ARHGEF3: variants seen among roughly 807,000 people sequenced by gnomAD.
ARHGEF3 encodes 59.8 kDA protein.
A neutral mutation model predicts 63.2 loss-of-function variants in ARHGEF3; 28 were observed. The observed-to-expected ratio is 0.44, with a 90% CI of 0.33 to 0.61. The LOEUF (loss-of-function observed/expected upper bound fraction) is 0.61, where lower values mean the gene tolerates loss of function less well. Ranked by LOEUF, ARHGEF3 falls within the 20% of genes least tolerant of loss-of-function variation. The pLI, the probability that ARHGEF3 is intolerant of heterozygous loss-of-function variation, is 0.03. For synonymous variants in ARHGEF3, 266 were observed against 254.2 expected, an observed-to-expected ratio of 1.05 and a Z score of -0.44; for missense variants, 533 against 659.3, an observed-to-expected ratio of 0.81 and a Z score of 2.10.
chr3:56,905,744 C>T (rs957084939), intron 3 of ARHGEF3, among the ~76,000 whole-genome samples: 1 of 152,250 alleles, frequency 6.6e-6, no homozygotes, highest in Non-Finnish European at 1.5e-5. Context: ...CTAATTTCTG[C>T]CAACATGGTA....
intron 3 of ARHGEF3, among the ~76,000 whole-genome samples, chr3:56,928,341 G>T (rs1246616833): frequency 1.4e-5 from 2 of 141,656 alleles, no homozygotes; most frequent in Admixed American, 7.1e-5. Context: ...TGGGTTCCTG[G>T]CCCATGGTCA....
chr3:56,737,350 A>C lies in ARHGEF3; in HGVS notation c.876T>G (p.Asn292Lys). The change falls in exon 8 of 10, where the codon AAT (asparagine) becomes AAG (lysine). Residue 292 changes from asparagine to lysine, a missense_variant. Physicochemically the swap from Asn to Lys is moderately conservative, Grantham distance 94. Transcript: ENST00000296315. ...PDQQHLEEAI[N>K]IIQGIVAEIN... ...TTTCTGCCACAATTCCCTGAATGAT[A>C]TTTATCTATGAAAACAAAGAGGAAA... The C allele has an allele frequency of 6.2e-7, 1 of 1,609,716 alleles. No individual in the cohort carries two copies. Among genetic ancestry groups the C allele is most frequent in the Non-Finnish European group, 8.5e-7 (1 of 1,176,980 alleles).
intron 2 of ARHGEF3, among the ~76,000 whole-genome samples, chr3:56,987,431 G>C (rs548555626): frequency 6.6e-6 from 1 of 152,170 alleles, no homozygotes; most frequent in Non-Finnish European, 1.5e-5. Flanking sequence ...GCAATGCAAC[G>C]GCTGAGCAGG....
At chr3:57,051,161 A>C (rs576489006) in intron 1 of ARHGEF3, among the ~76,000 whole-genome samples, 11 of 152,242 alleles carry the variant, frequency 7.2e-5, no homozygotes, top group Non-Finnish European at 1.6e-4. Flanking sequence ...CTTCTGGTAC[A>C]TACTATGAGT....
intron 3 of ARHGEF3, among the ~76,000 whole-genome samples, chr3:56,912,581 A>G (rs1197670448): frequency 6.6e-6 from 1 of 152,256 alleles, no homozygotes; most frequent in African/African-American, 2.4e-5. Flanking sequence ...TAATGATAGT[A>G]GCCAATCCCT....
intron 3 of ARHGEF3, among the ~76,000 whole-genome samples, chr3:56,942,549 C>A (rs534760435): frequency 1.5e-4 from 23 of 152,266 alleles, no homozygotes; most frequent in African/African-American, 5.5e-4. Flanking sequence ...CCCTGAGACA[C>A]ACTAATATTG....
intron 4 of ARHGEF3, among the ~76,000 whole-genome samples, chr3:56,845,873 G>A (rs924546369): frequency 6.6e-6 from 1 of 152,172 alleles, no homozygotes. Flanking sequence ...AGACCACACC[G>A]AAGTTGTGCT....
chr3:56,838,265 G>A (rs1028419862), intron 4 of ARHGEF3, among the ~76,000 whole-genome samples: 9 of 152,044 alleles, frequency 5.9e-5, no homozygotes, highest in South Asian at 2.1e-4. Flanking sequence ...ATAGATCAAT[G>A]TTTACCAAAT....
At chr3:56,735,197 T>C (rs2033520357) in intron 8 of ARHGEF3, among the ~76,000 whole-genome samples, 3 of 152,116 alleles carry the variant, frequency 2.0e-5, no homozygotes, top group South Asian at 4.1e-4. Context: ...GGCAGGAGAA[T>C]TGCTTGAACC....
Position 56,896,028 on chromosome 3 carries a change from A to C in ARHGEF3, c.130-13674T>G, listed in dbSNP as rs375984594. Among the ~76,000 whole-genome samples the C allele has an allele frequency of 2.3e-4, 35 of 152,326 alleles. No homozygotes were observed. The South Asian group carries it at 5.0e-3, about 22-fold the overall frequency. On this transcript the variant is annotated intron_variant, in intron 3 of 12. Coordinates refer to the ARHGEF3 transcript ENST00000338458. ...ATCCTGCAGAGCTGGCGGCAGCACG[A>C]ATGGCCTGATGCCCTCTGGAGTTGT...
intron 7 of ARHGEF3, among the ~76,000 whole-genome samples, chr3:56,744,027 A>C (rs2034216944): frequency 6.6e-6 from 1 of 152,190 alleles, no homozygotes; most frequent in South Asian, 2.1e-4. Context: ...AATTAATTGC[A>C]TGACAAAGGA....
rs190566225 is a variant in ARHGEF3 at position 56,926,861 on chromosome 3, C to A, written c.129+31962G>T. Among the ~76,000 whole-genome samples, 7 of 97,484 alleles carry A rather than the reference C, an allele frequency of 7.2e-5. No individual in the cohort carries two copies. The East Asian group carries it at 1.5e-3, about 21-fold the overall frequency. 64.0% of individuals were successfully genotyped at this position (97,484 alleles called of 152,430 possible). On this transcript the variant is annotated intron_variant, in intron 3 of 12. Coordinates refer to the ARHGEF3 transcript ENST00000338458. Reference sequence around the variant, plus strand: ...AAGAGCCTCCTGGGTTGGATGAATACCCCGGGAGGGGTGGGAGGAGTCCCC... The same window carrying A: ...AAGAGCCTCCTGGGTTGGATGAATAACCCGGGAGGGGTGGGAGGAGTCCCC...
intron 4 of ARHGEF3, among the ~76,000 whole-genome samples, chr3:56,835,885 CCA>C (rs1288361774): frequency 6.6e-6 from 1 of 152,200 alleles, no homozygotes; most frequent in African/African-American, 2.4e-5. Context: ...TCATGCACCT[CCA>C]CACAGACTTC....
chr3:56,906,433 T>C (rs2108322838), intron 3 of ARHGEF3, among the ~76,000 whole-genome samples: 1 of 152,358 alleles, frequency 6.6e-6, no homozygotes, highest in South Asian at 2.1e-4. Context: ...CTAGTCTGAA[T>C]TGAGATGTGC....
intron 4 of ARHGEF3, among the ~76,000 whole-genome samples, chr3:56,867,918 T>A (rs1041607034): frequency 6.6e-6 from 1 of 152,208 alleles, no homozygotes; most frequent in Non-Finnish European, 1.5e-5. Flanking sequence ...GAGGAAGTGA[T>A]AATGGTGTGA....
intron 1 of ARHGEF3, among the ~76,000 whole-genome samples, chr3:57,055,743 T>C (rs777143736): frequency 6.6e-6 from 1 of 152,158 alleles, no homozygotes; most frequent in Non-Finnish European, 1.5e-5. Flanking sequence ...CAATCCTTTA[T>C]CTGTATCCTC....
intron 3 of ARHGEF3, chr3:56,940,224 C>T (rs1422748837): frequency 6.6e-6 from 1 of 152,184 alleles, no homozygotes. Context: ...TCCCATACCC[C>T]TGTACCTTTA....
At position 56,737,195 on chromosome 3, in the gene ARHGEF3, T is replaced by A; in HGVS notation, c.1031A>T (p.Asn344Ile). The change falls in exon 8 of 10, where the codon AAT becomes ATT. Residue 344 changes from asparagine (N) to isoleucine (I), a missense_variant. Asn to Ile is a moderately radical substitution (Grantham distance 149). Transcript: ENST00000296315. ...VLCCHGELKN[N>I]RGVKLHVFLF... ...GGAGTAACTACTTACCACGCCCCGA[T>A]TGTTCTTCAGTTCACCATGACAACA... The A allele has an allele frequency of 6.2e-7, 1 of 1,613,668 alleles. No homozygotes were observed. The highest frequency in any genetic ancestry group is 8.5e-7 in the Non-Finnish European group (1 of 1,179,738).
intron 4 of ARHGEF3, among the ~76,000 whole-genome samples, chr3:56,880,905 G>A (rs1220504097): frequency 6.6e-6 from 1 of 152,140 alleles, no homozygotes; most frequent in Non-Finnish European, 1.5e-5. Context: ...CAATCTGAGG[G>A]TCTAAAGATT....
Sources: gnomAD v4.1 joint callset for allele counts (sites outside exome capture counted in the v4.1 genomes callset) on GRCh38, gnomAD v4.1.1 for gene constraint, MANE v1.5 for transcripts, NCBI Gene and HGNC (gene_info 2026-07-23, HGNC 2026-07-21) for gene names.